The following PJA2 variants were observed in gnomAD, a reference collection of about 807,000 sequenced individuals.
PJA2 encodes E3 ubiquitin-protein ligase Praja-2.
PJA2 carries 25 observed loss-of-function variants against 69.3 expected under a neutral mutation model. That is an observed-to-expected ratio of 0.36 (90% confidence interval 0.26 to 0.50). The LOEUF is 0.50. PJA2 is among the 20% of genes least tolerant of loss of function. The probability of loss-of-function intolerance (pLI) is 0.96; values close to 1 mark genes in which losing one functional copy is unlikely to be tolerated. For missense variants in PJA2, 809 were observed against 830.2 expected (o/e 0.97, Z 0.31); for synonymous variants, 308 against 277.8 (o/e 1.11, Z -1.08).
In PJA2 at chr5:109,371,720, C is replaced by T. The variant is rs80059016; in HGVS notation, c.1284-2974G>A. Among the ~76,000 whole-genome samples the T allele has an allele frequency of 5.8e-3, 876 of 152,250 alleles. 6 individuals are homozygous for T. Among genetic ancestry groups the T allele is most frequent in the Admixed American group, 0.011 (174 of 15,298 alleles). ...CCTTCAACAGCTCTTTTTTCTAATG[C>T]TACTGCTTTAGTTTCACAAACAAGC... is the stretch of plus-strand genomic sequence containing the variant. On this transcript the variant is annotated intron_variant, in intron 4 of 9. Transcript: ENST00000361189.
intron 5 of PJA2, among the ~76,000 whole-genome samples, chr5:109,364,395 G>A (rs112952748): frequency 0.084 from 12,656 of 151,498 alleles, 614 homozygotes; most frequent in African/African-American, 0.13. Flanking sequence ...AGGCCGAGGC[G>A]GGCGGATCAC....
At chr5:109,365,734 T>C (rs973448672) in intron 5 of PJA2, among the ~76,000 whole-genome samples, 1 of 152,212 alleles carries the variant, frequency 6.6e-6, no homozygotes, top group African/African-American at 2.4e-5. Context: ...CTTACTGGTA[T>C]TTCAGAAACC....
intron 1 of PJA2, among the ~76,000 whole-genome samples, chr5:109,394,673 T>C (rs560275464): frequency 2.0e-5 from 3 of 152,270 alleles, no homozygotes; most frequent in South Asian, 2.1e-4. Flanking sequence ...TGCAAAAACA[T>C]GCAATTAATT....
intron 7 of PJA2, among the ~76,000 whole-genome samples, chr5:109,353,406 T>C (rs1762308681): frequency 7.4e-6 from 1 of 135,212 alleles, no homozygotes; most frequent in Non-Finnish European, 1.6e-5. Flanking sequence ...TAGATACCTA[T>C]ATCTATAGAC....
At chr5:109,405,923 TA>T (rs60748513) in intron 1 of PJA2, among the ~76,000 whole-genome samples, 25,479 of 146,160 alleles carry the variant, frequency 0.17, 3,456 homozygotes, top group African/African-American at 0.37. Flanking sequence ...GTTAGGAAAA[TA>T]AAAAAAAAAC....
chr5:109,356,021 A>G lies in PJA2; in HGVS notation c.1658T>C (p.Phe553Ser). The change falls in exon 7 of 10, where the codon TTT (phenylalanine) becomes TCT (serine). Residue 553 changes from phenylalanine to serine, a missense_variant. Physicochemically the swap from Phe to Ser is radical, Grantham distance 155. Around this residue, in one of 4 missense-constraint regions of PJA2, gnomAD observed 700 missense variants for 639.5 expected, o/e 1.09. Coordinates refer to ENST00000361189, the MANE Select transcript of PJA2 (RefSeq NM_014819.5). The stretch of plus-strand genomic sequence containing the variant: ...TCCTAGTCCATCTGCAAAGCCATCA[A>G]ATAGGCTGAAAAAAAAAAAAAATAA... ...SEDLDVDWSL[F>S]DGFADGLGVA... 1 of 1,602,668 alleles carries G rather than the reference A, an allele frequency of 6.2e-7. No individual in the cohort carries two copies. The highest frequency in any genetic ancestry group is 8.5e-7 in the Non-Finnish European group (1 of 1,176,878).
At chr5:109,385,723 A>G (rs1200092464) in intron 1 of PJA2, among the ~76,000 whole-genome samples, 2 of 152,200 alleles carry the variant, frequency 1.3e-5, no homozygotes, top group Non-Finnish European at 1.5e-5. Flanking sequence ...TCAAATATGA[A>G]GAGGCCAGGG....
rs1367664041 is a variant in PJA2, at chr5:109,362,036, G to A, written c.1652+804C>T. 3.3e-5 allele frequency among the ~76,000 whole-genome samples: 5 copies of A among 152,116 alleles called. 1 individual carries two copies. Among genetic ancestry groups the A allele is most frequent in the Admixed American group, 3.3e-4 (5 of 15,278 alleles). The stretch of plus-strand genomic sequence containing the variant: ...TGAGTTTTTTCTTATTTATTTTTCT[G>A]AATTTTCTGTAAAGGAATTTTAACT... On this transcript the variant is annotated intron_variant, in intron 6 of 9. Transcript: ENST00000361189.
Position 109,409,953 on chromosome 5 carries a change from C to T in PJA2, c.-199G>A, listed in dbSNP as rs1747797770. ...CCGCCGAACGCGAAGCGGCTGGCGGCTGTGGCGGCGGCGGCGGCGGTGGCG... is the reference window on the plus strand; with the variant it reads ...CCGCCGAACGCGAAGCGGCTGGCGGTTGTGGCGGCGGCGGCGGCGGTGGCG... On this transcript the variant is annotated 5_prime_UTR_variant, in exon 1 of 10. Coordinates refer to ENST00000361189, the MANE Select transcript of PJA2 (RefSeq NM_014819.5). The T allele has an allele frequency of 4.7e-6, 1 of 213,614 alleles. No homozygotes were observed. The highest frequency in any genetic ancestry group is 9.2e-6 in the Non-Finnish European group (1 of 108,260). 13.2% of individuals were successfully genotyped at this position (213,614 alleles called of 1,614,324 possible).
rs1212417112 is a variant in PJA2 at position 109,381,563 on chromosome 5, G to A, written c.172C>T (p.Arg58Trp). 13 of 1,613,806 alleles carry A rather than the reference G, an allele frequency of 8.1e-6. No individual in the cohort carries two copies. Among genetic ancestry groups the A allele is most frequent in the Admixed American group, 1.7e-5 (1 of 59,982 alleles). Residue 58 changes from arginine to tryptophan, a missense_variant, in exon 3 of 10, where the codon CGG becomes TGG. Transcript: ENST00000361189. ...AACACTTCATAGTCATCACCAGCCC[G>A]ACCTAAGCTTCTTTCATGTCTGGTC... ...CMTRHERSLG[R>W]AGDDYEVLEL...
intron 1 of PJA2, among the ~76,000 whole-genome samples, chr5:109,396,528 G>A (rs1472007904): frequency 6.8e-6 from 1 of 147,380 alleles, no homozygotes; most frequent in East Asian, 2.0e-4. Context: ...CCAGGTTCAA[G>A]CAATTCTCCT....
chr5:109,337,434 T>G (rs1379804253), intron 9 of PJA2, 78 bp from the exon 10 acceptor site: 1 of 1,453,318 alleles, frequency 6.9e-7, no homozygotes, highest in Non-Finnish European at 9.2e-7. Flanking sequence ...GAAAAAACAG[T>G]GTCATTATCC....
At chr5:109,400,794 A>G (rs944264295) in intron 1 of PJA2, among the ~76,000 whole-genome samples, 7 of 152,046 alleles carry the variant, frequency 4.6e-5, no homozygotes, top group African/African-American at 1.7e-4. Context: ...CCTGGCTAAC[A>G]TGGTGAAACC....
intron 7 of PJA2, among the ~76,000 whole-genome samples, chr5:109,354,148 G>C (rs1762348981): frequency 8.5e-6 from 1 of 117,840 alleles, no homozygotes; most frequent in African/African-American, 3.1e-5. Context: ...CTATAGATTA[G>C]ATATCTATGA....
intron 4 of PJA2, among the ~76,000 whole-genome samples, chr5:109,369,419 A>G (rs192492410): frequency 6.6e-6 from 1 of 152,322 alleles, no homozygotes; most frequent in East Asian, 1.9e-4. Flanking sequence ...CATGGTACCT[A>G]GATAGGGGCT....
intron 7 of PJA2, 48 bp downstream of exon 7, chr5:109,355,867 T>C: frequency 7.5e-7 from 1 of 1,337,290 alleles, no homozygotes; most frequent in Non-Finnish European, 1.1e-6. Context: ...ACCTTTATCA[T>C]TTTGTATCCC....
chr5:109,354,158 A>ATGTC, intron 7 of PJA2, among the ~76,000 whole-genome samples: 2 of 54,814 alleles, frequency 3.6e-5, no homozygotes, highest in Non-Finnish European at 1.5e-4. Context: ...GATATCTATG[A>ATGTC]TATCTAGAGA....
In PJA2 at chr5:109,361,394, G is replaced by C. The variant is rs1008740173; in HGVS notation, c.1652+1446C>G. Reference sequence around the variant, plus strand: ...AATCTTAGTGCCCCTATAGGAAGGAGCATCTTCACAATGGAGCTGTAAAAA... The same window carrying C: ...AATCTTAGTGCCCCTATAGGAAGGACCATCTTCACAATGGAGCTGTAAAAA... On this transcript the variant is annotated intron_variant, in intron 6 of 9. Coordinates refer to ENST00000361189, the MANE Select transcript of PJA2 (RefSeq NM_014819.5). Among the ~76,000 whole-genome samples, 5 of 152,144 alleles carry C rather than the reference G, an allele frequency of 3.3e-5. 1 individual carries two copies. The highest frequency in any genetic ancestry group is 1.3e-4 in the Admixed American group (2 of 15,274).
chr5:109,343,814 G>A (rs1328546848), intron 9 of PJA2, among the ~76,000 whole-genome samples: 1 of 152,118 alleles, frequency 6.6e-6, no homozygotes, highest in Non-Finnish European at 1.5e-5. Flanking sequence ...TACTACTATT[G>A]GCTGGGCGTG....
Sources: allele counts gnomAD v4.1 joint callset (sites outside exome capture counted in the v4.1 genomes callset), GRCh38; gene constraint gnomAD v4.1.1; regional missense constraint gnomAD v4.1.1; transcripts MANE v1.5; gene names NCBI Gene and HGNC (gene_info 2026-07-23, HGNC 2026-07-21).